The following SGCD variants were observed in gnomAD, a reference collection of about 807,000 sequenced individuals.
SGCD encodes sarcoglycan delta.
SGCD carries 18 observed loss-of-function variants against 36.6 expected under a neutral mutation model. That is an observed-to-expected ratio of 0.49 (90% confidence interval 0.34 to 0.73). The LOEUF (loss-of-function observed/expected upper bound fraction) is 0.73, where lower values mean the gene tolerates loss of function less well. Among genes scored for constraint, SGCD ranks in the 30% least tolerant of loss-of-function variants. The pLI is 0.01. For synonymous variants in SGCD, 133 were observed against 130.6 expected (o/e 1.02, Z -0.12); for missense variants, 387 against 346.7 (o/e 1.12, Z -0.92).
chr5:156,155,902 A>G (rs1762950461), intron 3 of SGCD, among the ~76,000 whole-genome samples: 2 of 151,672 alleles, frequency 1.3e-5, no homozygotes, highest in South Asian at 2.1e-4. Flanking sequence ...CAGGCAGCAC[A>G]CCTCTGAGAT....
chr5:156,244,554 T>C (rs1765394023), intron 3 of SGCD, among the ~76,000 whole-genome samples: 1 of 152,222 alleles, frequency 6.6e-6, no homozygotes, highest in Admixed American at 6.5e-5. Context: ...ATGGTTTTAC[T>C]CCTAAATGAT....
At chr5:155,868,867 C>G (rs940144518), upstream of SGCD, among the ~76,000 whole-genome samples, 6 of 152,086 alleles carry the variant, frequency 3.9e-5, no homozygotes, top group Admixed American at 3.3e-4. Context: ...ATAGAGGAAG[C>G]AACTTCAGCT....
At chr5:156,669,348 G>T (rs2113652413) in intron 7 of SGCD, among the ~76,000 whole-genome samples, 1 of 152,190 alleles carries the variant, frequency 6.6e-6, no homozygotes. Context: ...CTTGTCATCA[G>T]GAGGTCACAT....
chr5:156,004,787 T>C (rs1758725697), intron 1 of SGCD, among the ~76,000 whole-genome samples: 1 of 152,338 alleles, frequency 6.6e-6, no homozygotes, highest in South Asian at 2.1e-4. Context: ...ACCCTTTAAA[T>C]AAATAAACAC....
intron 3 of SGCD, among the ~76,000 whole-genome samples, chr5:156,185,484 G>T (rs7711145): frequency 0.33 from 50,060 of 151,788 alleles, 10,106 homozygotes; most frequent in African/African-American, 0.56. Context: ...AAAGTGCTGG[G>T]ATTACAGATG....
chr5:156,244,647 A>G (rs1328142659), intron 3 of SGCD, among the ~76,000 whole-genome samples: 1 of 152,206 alleles, frequency 6.6e-6, no homozygotes, highest in South Asian at 2.1e-4. Flanking sequence ...ATTTTTTAAT[A>G]AAATTAAAAG....
intron 7 of SGCD, among the ~76,000 whole-genome samples, chr5:156,734,265 T>G (rs545168608): frequency 6.6e-6 from 1 of 152,136 alleles, no homozygotes; most frequent in Admixed American, 6.5e-5. Context: ...GTCTGATGGG[T>G]TTCCTTTTGT....
intron 1 of SGCD, among the ~76,000 whole-genome samples, chr5:156,011,471 C>A (rs762427718): frequency 6.6e-5 from 10 of 151,478 alleles, no homozygotes; most frequent in African/African-American, 2.4e-4. Flanking sequence ...AGATGAGTCT[C>A]GGTCTGTTGC....
intron 7 of SGCD, 70 bp from the exon 8 acceptor site, chr5:156,757,511 G>C (rs1757383749): frequency 1.0e-6 from 1 of 994,342 alleles, no homozygotes; most frequent in African/African-American, 1.6e-5. Flanking sequence ...ATGTCCTTGA[G>C]CATGAACTTC....
chr5:156,260,263 T>A (rs905085017), intron 3 of SGCD, among the ~76,000 whole-genome samples: 3 of 152,288 alleles, frequency 2.0e-5, no homozygotes, highest in Non-Finnish European at 4.4e-5. Flanking sequence ...AATTTTAGAA[T>A]AGTCTTGTCT....
intron 3 of SGCD, among the ~76,000 whole-genome samples, chr5:156,293,048 AG>A (rs1766800857): frequency 6.6e-6 from 1 of 151,666 alleles, no homozygotes; most frequent in African/African-American, 2.4e-5. Flanking sequence ...TCCCATTCTG[AG>A]GGTTGCCTTT....
chr5:156,537,930 G>T (rs75501092), intron 4 of SGCD, among the ~76,000 whole-genome samples: 13 of 151,900 alleles, frequency 8.6e-5, no homozygotes, highest in Admixed American at 5.9e-4. Flanking sequence ...AAGACATACC[G>T]TCTTTTCTTC....
At chr5:155,753,694 C>A in the SGCD span, among the ~76,000 whole-genome samples, 1 of 152,118 alleles carries the variant, frequency 6.6e-6, no homozygotes, top group African/African-American at 2.4e-5. Context: ...TTCCTAGTAG[C>A]CTGTGAGGCT....
intron 6 of SGCD, among the ~76,000 whole-genome samples, chr5:156,627,452 T>A (rs1762478870): frequency 6.6e-6 from 1 of 152,208 alleles, no homozygotes; most frequent in African/African-American, 2.4e-5. Context: ...GGAATCTTCT[T>A]ATAAAATGGG....
rs1042042766 is a variant in SGCD at position 156,053,919 on chromosome 5, T to G, written c.-281-63959T>G. Among the ~76,000 whole-genome samples, 43 of 145,692 alleles carry G rather than the reference T, an allele frequency of 3.0e-4. 6 individuals carry two copies. Among genetic ancestry groups the G allele is most frequent in the Admixed American group, 2.3e-3 (34 of 14,512 alleles). On this transcript the variant is annotated intron_variant, in intron 1 of 9. Coordinates refer to the SGCD transcript ENST00000517913. ...CACATGGTGGAAGGGGCAAGGGAGC[T>G]CATCTGAGCTGCTTCTGTAGGGGCA...
chr5:155,790,007 T>C, the SGCD span, among the ~76,000 whole-genome samples: 1 of 152,098 alleles, frequency 6.6e-6, no homozygotes, highest in East Asian at 1.9e-4. Context: ...TTGCATGAAT[T>C]CAGAGAGCAA....
At chr5:155,866,468 T>A (rs1023809525), upstream of SGCD, among the ~76,000 whole-genome samples, 1 of 152,172 alleles carries the variant, frequency 6.6e-6, no homozygotes, top group African/African-American at 2.4e-5. Flanking sequence ...CTGAAGATAT[T>A]CCTCCCCATT....
At chr5:156,361,190 G>A (rs530277052) in intron 3 of SGCD, among the ~76,000 whole-genome samples, 2 of 152,184 alleles carry the variant, frequency 1.3e-5, no homozygotes, top group African/African-American at 2.4e-5. Flanking sequence ...TCCTGCAAGG[G>A]GTTGAGCACA....
chr5:155,945,053 A>G (rs531204088), intron 1 of SGCD, among the ~76,000 whole-genome samples: 45 of 152,322 alleles, frequency 3.0e-4, no homozygotes, highest in Non-Finnish European at 2.9e-4. Flanking sequence ...AAACCACATC[A>G]ACAAATAGAT....
Sources: gnomAD v4.1 joint callset for allele counts (sites outside exome capture counted in the v4.1 genomes callset) on GRCh38, gnomAD v4.1.1 for gene constraint, MANE v1.5 for transcripts, NCBI Gene and HGNC (gene_info 2026-07-23, HGNC 2026-07-21) for gene names.